KIF13B: variants seen among roughly 807,000 people sequenced by gnomAD.
KIF13B encodes kinesin family member 13B, also known as kinesin-like protein KIF13B.
KIF13B carries 127 observed loss-of-function variants against 222.0 expected under a neutral mutation model. The ratio of observed to expected loss-of-function variants is 0.57; its 90% CI spans 0.50 to 0.66. KIF13B has a LOEUF of 0.66. KIF13B is among the 30% of genes least tolerant of loss of function. The pLI is 0.00. For missense variants in KIF13B, 2,173 were observed against 2,379.0 expected (o/e 0.91, Z 1.80); for synonymous variants, 976 against 919.0 (o/e 1.06, Z -1.12).
At chr8:29,202,016 G>A (rs1813714001) in intron 2 of KIF13B, among the ~76,000 whole-genome samples, 1 of 152,204 alleles carries the variant, frequency 6.6e-6, no homozygotes, top group Non-Finnish European at 1.5e-5. Flanking sequence ...TGTTCGTTGT[G>A]TCCTCAATAT....
At chr8:29,123,929 T>G (rs1809991952) in intron 27 of KIF13B, 95 bp downstream of exon 27, 13 of 734,770 alleles carry the variant, frequency 1.8e-5, no homozygotes, top group Non-Finnish European at 3.0e-5. Context: ...TACTGATGTG[T>G]TCATCTGGTT....
chr8:29,259,850 A>C (rs927204692), intron 1 of KIF13B, among the ~76,000 whole-genome samples: 3 of 152,224 alleles, frequency 2.0e-5, no homozygotes. Flanking sequence ...CTTGTGACAA[A>C]AATTTACCCT....
chr8:29,217,154 A>T (rs897478789), intron 2 of KIF13B, among the ~76,000 whole-genome samples: 1 of 152,214 alleles, frequency 6.6e-6, no homozygotes, highest in Admixed American at 6.5e-5. Context: ...AAATGAGTAC[A>T]CACAGGCTGT....
chr8:29,184,337 C>G (rs1812840842), intron 6 of KIF13B, among the ~76,000 whole-genome samples: 1 of 151,690 alleles, frequency 6.6e-6, no homozygotes, highest in Admixed American at 6.6e-5. Context: ...AAAAAATTTC[C>G]AAGAAATTTT....
chr8:29,105,546 T>C (rs1809014971), intron 35 of KIF13B, among the ~76,000 whole-genome samples: 1 of 152,154 alleles, frequency 6.6e-6, no homozygotes, highest in Non-Finnish European at 1.5e-5. Flanking sequence ...CTTTGTCCTA[T>C]TTTTCTGGTG....
rs1586883794 is a variant in KIF13B, at chr8:29,176,059, CA to C, written c.945+8del. 1.3e-6 allele frequency: 2 copies of C among 1,573,730 alleles called. No homozygotes were observed. Among genetic ancestry groups the C allele is most frequent in the Non-Finnish European group, 8.7e-7 (1 of 1,145,364 alleles). On this transcript the variant is annotated splice_region_variant and intron_variant, in intron 10 of 39. Transcript: ENST00000524189. Reference sequence around the variant, plus strand: ...AAGTATGCCAGGAAGGGAAAAAAAACAAACTTACTTTGAGCAGCCAAGTGAG... The same window carrying C: ...AAGTATGCCAGGAAGGGAAAAAAAACAACTTACTTTGAGCAGCCAAGTGAG...
intron 38 of KIF13B, among the ~76,000 whole-genome samples, chr8:29,074,505 T>G (rs1404991165): frequency 2.0e-5 from 3 of 152,242 alleles, no homozygotes; most frequent in Non-Finnish European, 4.4e-5. Context: ...AAGCCCAAGC[T>G]TGGAAAACCA....
chr8:29,145,886 A>G (rs1458137828), intron 18 of KIF13B: 1 of 156,246 alleles, frequency 6.4e-6, no homozygotes, highest in African/African-American at 2.4e-5. Flanking sequence ...TTCCCCCTAC[A>G]TTTTATTAAA....
intron 14 of KIF13B, among the ~76,000 whole-genome samples, chr8:29,153,042 G>C (rs1414276374): frequency 6.6e-6 from 1 of 152,128 alleles, no homozygotes; most frequent in Non-Finnish European, 1.5e-5. Context: ...AACCTGCAAA[G>C]TCTCCAACGT....
At position 29,071,585 on chromosome 8, in the gene KIF13B, G is replaced by T; in HGVS notation, c.5218+35C>A. On this transcript the variant is annotated intron_variant, in intron 39 of 39. Transcript: ENST00000524189. The surrounding 1 kb of genome is among the most constrained non-coding windows in gnomAD (Gnocchi z 4.9). ...ACGTTCCTGCTTCCCCAGACCCCCGGCACCACCCTGGAGCCCGGAGTGCCC... is the reference window on the plus strand; with the variant it reads ...ACGTTCCTGCTTCCCCAGACCCCCGTCACCACCCTGGAGCCCGGAGTGCCC... 6.6e-7 allele frequency: 1 copy of T among 1,524,982 alleles called. No individual in the cohort carries two copies. Among genetic ancestry groups the T allele is most frequent in the Non-Finnish European group, 8.8e-7 (1 of 1,130,580 alleles). 94.5% of individuals were successfully genotyped at this position (1,524,982 alleles called of 1,614,324 possible).
intron 12 of KIF13B, among the ~76,000 whole-genome samples, chr8:29,164,329 T>C (rs1223119535): frequency 3.9e-5 from 6 of 152,118 alleles, no homozygotes; most frequent in African/African-American, 7.2e-5. Flanking sequence ...TATTCTCTAA[T>C]ACAAGGAACA....
At chr8:29,230,529 C>G (rs1447655988) in intron 2 of KIF13B, among the ~76,000 whole-genome samples, 1 of 152,160 alleles carries the variant, frequency 6.6e-6, no homozygotes, top group Non-Finnish European at 1.5e-5. Flanking sequence ...AGGACACAGA[C>G]AAGGGCATGC....
At chr8:29,192,878 T>C (rs937755551) in intron 3 of KIF13B, among the ~76,000 whole-genome samples, 2 of 151,468 alleles carry the variant, frequency 1.3e-5, no homozygotes, top group South Asian at 2.1e-4. Context: ...TGGATCAGAA[T>C]TGAGAAACTC....
At chr8:29,119,539 G>A (rs571609363) in intron 29 of KIF13B, among the ~76,000 whole-genome samples, 3 of 152,280 alleles carry the variant, frequency 2.0e-5, no homozygotes, top group African/African-American at 7.2e-5. Flanking sequence ...TGGGGGGACC[G>A]AGAACATGTA....
intron 37 of KIF13B, among the ~76,000 whole-genome samples, chr8:29,082,076 C>T (rs1807840394): frequency 6.6e-6 from 1 of 152,158 alleles, no homozygotes. Flanking sequence ...CAAATATGTA[C>T]CAGGTACCTA....
At chr8:29,250,207 C>A in intron 1 of KIF13B, 1 of 402,376 alleles carries the variant, frequency 2.5e-6, no homozygotes, top group Non-Finnish European at 4.8e-6. Flanking sequence ...CTCTAAGTGC[C>A]GTTCTCATAC....
At chr8:29,163,375 G>C (rs527855754) in intron 12 of KIF13B, among the ~76,000 whole-genome samples, 21 of 152,310 alleles carry the variant, frequency 1.4e-4, no homozygotes, top group Admixed American at 6.5e-4. Flanking sequence ...CACCCCACAG[G>C]AAGATGTTAC....
chr8:29,148,014 A>G (rs1363975664), intron 16 of KIF13B, among the ~76,000 whole-genome samples: 3 of 152,206 alleles, frequency 2.0e-5, no homozygotes, highest in Admixed American at 6.5e-5. Flanking sequence ...CCTGGCCGAC[A>G]TGGCGAAACC....
At chr8:29,161,308 A>G (rs1290917667) in intron 12 of KIF13B, among the ~76,000 whole-genome samples, 1 of 152,218 alleles carries the variant, frequency 6.6e-6, no homozygotes, top group African/African-American at 2.4e-5. Context: ...TAAGGATCAC[A>G]AGGCCCTTCA....
Sources: gnomAD v4.1 joint callset for allele counts (sites outside exome capture counted in the v4.1 genomes callset) on GRCh38, gnomAD v4.1.1 for gene constraint, Gnocchi (gnomAD v3.1) non-coding constraint, MANE v1.5 for transcripts, NCBI Gene and HGNC (gene_info 2026-07-23, HGNC 2026-07-21) for gene names.